The following ADK variants were observed in gnomAD, a reference collection of about 807,000 sequenced individuals.
The protein encoded by ADK is N6,N6-dimethyladenosine kinase.
ADK carries 24 observed loss-of-function variants against 44.7 expected under a neutral mutation model. The observed-to-expected ratio is 0.54, with a 90% confidence interval of 0.39 to 0.76. The LOEUF is 0.76. ADK is among the 30% of genes least tolerant of loss of function. ADK has a pLI of 0.00. For missense variants in ADK, 321 were observed against 425.1 expected (o/e 0.76, Z 2.15); for synonymous variants, 128 against 142.6 (o/e 0.90, Z 0.73).
chr10:74,634,985 G>T (rs1853576316), intron 9 of ADK, among the ~76,000 whole-genome samples: 1 of 152,072 alleles, frequency 6.6e-6, no homozygotes, highest in Non-Finnish European at 1.5e-5. Context: ...GAGCTTCCTT[G>T]ACCTTTAGGA....
chr10:74,472,353 T>A (rs971395294), intron 6 of ADK, among the ~76,000 whole-genome samples: 9 of 152,220 alleles, frequency 5.9e-5, no homozygotes, highest in Admixed American at 2.6e-4. Context: ...GCCTTTTTTT[T>A]ATTTAATTAT....
At chr10:74,571,564 G>C (rs1295067107) in intron 7 of ADK, among the ~76,000 whole-genome samples, 2 of 152,194 alleles carry the variant, frequency 1.3e-5, no homozygotes, top group African/African-American at 2.4e-5. Flanking sequence ...AGATTTTCTA[G>C]TTTATTTGCG....
chr10:74,571,914 G>A (rs1401495656), intron 7 of ADK, among the ~76,000 whole-genome samples: 2 of 152,132 alleles, frequency 1.3e-5, no homozygotes, highest in Admixed American at 6.6e-5. Context: ...CGTGAGATGG[G>A]TTTCCTGAAT....
At chr10:74,699,148 CTTTT>C (rs58818883) in intron 10 of ADK, among the ~76,000 whole-genome samples, 18 of 123,894 alleles carry the variant, frequency 1.5e-4, no homozygotes, top group Non-Finnish European at 1.3e-4. Context: ...CCAACCTAGC[CTTTT>C]TTTTTTTTTT....
intron 4 of ADK, among the ~76,000 whole-genome samples, chr10:74,390,317 G>T (rs1843290056): frequency 6.6e-6 from 1 of 151,950 alleles, no homozygotes; most frequent in Admixed American, 6.6e-5. Flanking sequence ...TTTGATAAAT[G>T]GAGTGATAAT....
chr10:74,669,255 C>T (rs1049665073), intron 9 of ADK, among the ~76,000 whole-genome samples: 1 of 152,108 alleles, frequency 6.6e-6, no homozygotes, highest in Non-Finnish European at 1.5e-5. Context: ...CTCCTTTTGC[C>T]TCCCTCTTGA....
intron 6 of ADK, among the ~76,000 whole-genome samples, chr10:74,478,104 T>A (rs958577344): frequency 4.6e-5 from 7 of 152,234 alleles, no homozygotes; most frequent in South Asian, 2.1e-4. Context: ...AGATAGGGTC[T>A]CACTTTGTTG....
chr10:74,665,168 T>C (rs1348853577), intron 9 of ADK, among the ~76,000 whole-genome samples: 1 of 149,800 alleles, frequency 6.7e-6, no homozygotes, highest in African/African-American at 2.5e-5. Flanking sequence ...TCTGGATAAA[T>C]GTTGCATAGA....
At chr10:74,458,302 T>TTG (rs1049269190) in intron 6 of ADK, among the ~76,000 whole-genome samples, 3 of 146,576 alleles carry the variant, frequency 2.0e-5, no homozygotes, top group Middle Eastern at 3.5e-3. Flanking sequence ...AGGTTTTGTT[T>TTG]TTTTTTTTTT....
chr10:74,322,159 A>G (rs1284532555), intron 4 of ADK, among the ~76,000 whole-genome samples: 1 of 152,196 alleles, frequency 6.6e-6, no homozygotes, highest in African/African-American at 2.4e-5. Context: ...AGAGGTTAAA[A>G]GGTTTTTTAT....
chr10:74,160,717 GTA>G lies in ADK; in HGVS notation c.65+9376_65+9377del, dbSNP rs60958753. On this transcript the variant is annotated intron_variant, in intron 1 of 10. Coordinates refer to ENST00000539909, the MANE Select transcript of ADK (RefSeq NM_006721.4). The stretch of plus-strand genomic sequence containing the variant: ...TGTGTGTGTGTGTGTGTGTGTGTGT[GTA>G]TGTGTGTGTGTAGGTAGTACTAGGT... 4.8e-3 allele frequency among the ~76,000 whole-genome samples: 704 copies of G among 148,026 alleles called. 6 individuals are homozygous for G. The highest frequency in any genetic ancestry group is 0.018 in the African/African-American group (676 of 38,462).
intron 9 of ADK, among the ~76,000 whole-genome samples, chr10:74,658,082 G>C (rs927715786): frequency 2.6e-5 from 4 of 152,132 alleles, no homozygotes; most frequent in Non-Finnish European, 5.9e-5. Flanking sequence ...TGAACAATAG[G>C]CTGGATTCAT....
intron 6 of ADK, among the ~76,000 whole-genome samples, chr10:74,521,143 T>C (rs926003699): frequency 6.6e-6 from 1 of 152,160 alleles, no homozygotes; most frequent in Non-Finnish European, 1.5e-5. Context: ...AGAAAAATTA[T>C]GGATGGCATC....
At chr10:74,203,870 G>T (rs1165100299) in intron 2 of ADK, among the ~76,000 whole-genome samples, 1 of 151,028 alleles carries the variant, frequency 6.6e-6, no homozygotes, top group African/African-American at 2.4e-5. Context: ...ATTTTGATTG[G>T]AATTACATTG....
At chr10:74,671,799 A>G (rs1257604393) in intron 10 of ADK, among the ~76,000 whole-genome samples, 1 of 152,146 alleles carries the variant, frequency 6.6e-6, no homozygotes, top group Non-Finnish European at 1.5e-5. Context: ...GAAGTATTCT[A>G]TTTCTTTGAC....
At chr10:74,479,530 T>C (rs1846990279) in intron 6 of ADK, among the ~76,000 whole-genome samples, 1 of 152,022 alleles carries the variant, frequency 6.6e-6, no homozygotes, top group Non-Finnish European at 1.5e-5. Context: ...TATACTTTCA[T>C]GTCAATAAGC....
intron 4 of ADK, among the ~76,000 whole-genome samples, chr10:74,334,668 A>G (rs750706125): frequency 5.3e-5 from 8 of 152,048 alleles, no homozygotes; most frequent in Admixed American, 2.0e-4. Flanking sequence ...TTTTCCGGTG[A>G]CTTGTATTGA....
intron 8 of ADK, among the ~76,000 whole-genome samples, chr10:74,595,677 C>CGAGAAATGAAAA (rs1851891047): frequency 7.7e-6 from 1 of 129,056 alleles, no homozygotes; most frequent in South Asian, 2.9e-4. Context: ...CGCCCATCGC[C>CGAGAAATGAAAA]ATATCAGTTC....
chr10:74,683,526 A>G (rs1001310830), intron 10 of ADK, among the ~76,000 whole-genome samples: 4 of 152,236 alleles, frequency 2.6e-5, no homozygotes, highest in African/African-American at 9.6e-5. Context: ...CACCACAGGT[A>G]TTCCAGATAA....
Sources: gnomAD v4.1 joint callset for allele counts (sites outside exome capture counted in the v4.1 genomes callset) on GRCh38, gnomAD v4.1.1 for gene constraint, MANE v1.5 for transcripts, NCBI Gene and HGNC (gene_info 2026-07-23, HGNC 2026-07-21) for gene names.